The following FOXP2 variants were observed in gnomAD, a reference collection of about 807,000 sequenced individuals.
The protein encoded by FOXP2 is forkhead box P2.
Under a neutral mutation model 115.8 loss-of-function variants are expected in FOXP2, and 12 were observed. The observed-to-expected ratio is 0.10, with a 90% CI of 0.07 to 0.17. The LOEUF is 0.17. FOXP2 is among the 10% of genes least tolerant of loss of function. FOXP2 has a pLI of 1.00. For missense variants in FOXP2, 629 were observed against 843.5 expected, an observed-to-expected ratio of 0.75 and a Z score of 3.15; for synonymous variants, 328 against 297.7, an observed-to-expected ratio of 1.10 and a Z score of -1.05.
chr7:114,187,987 G>A (rs964902948), intron 1 of FOXP2, among the ~76,000 whole-genome samples: 1 of 152,018 alleles, frequency 6.6e-6, no homozygotes, highest in Non-Finnish European at 1.5e-5. Flanking sequence ...ACCTCTTAAA[G>A]GTCTCTCCTC....
chr7:114,662,027 T>A (rs937285549), intron 13 of FOXP2, 38 bp from the exon 14 acceptor site: 4 of 1,610,648 alleles, frequency 2.5e-6, no homozygotes, highest in Non-Finnish European at 3.4e-6. Flanking sequence ...TAGACAATAT[T>A]ATTTTTGCCA....
intron 3 of FOXP2, among the ~76,000 whole-genome samples, chr7:114,613,459 A>G (rs1803741541): frequency 6.6e-6 from 1 of 152,020 alleles, no homozygotes; most frequent in South Asian, 2.1e-4. Context: ...GCGGATCATG[A>G]GGTCAGGAGA....
At chr7:114,450,570 A>C (rs914163359) in intron 2 of FOXP2, among the ~76,000 whole-genome samples, 1 of 152,008 alleles carries the variant, frequency 6.6e-6, no homozygotes, top group Non-Finnish European at 1.5e-5. Flanking sequence ...GTCTTTTGTG[A>C]TGCACATTCA....
chr7:114,331,134 A>C (rs1217041276), intron 2 of FOXP2, among the ~76,000 whole-genome samples: 1 of 152,214 alleles, frequency 6.6e-6, no homozygotes, highest in Non-Finnish European at 1.5e-5. Context: ...TGAGCAAAAC[A>C]ACCTTATAAA....
At chr7:114,649,145 T>G (rs568394961) in intron 8 of FOXP2, among the ~76,000 whole-genome samples, 2 of 152,200 alleles carry the variant, frequency 1.3e-5, no homozygotes, top group East Asian at 3.9e-4. Context: ...AGAAAAAGTA[T>G]TATTGTTGGC....
chr7:114,415,460 T>G (rs1793296487), intron 1 of FOXP2, 100 bp downstream of exon 1: 1 of 364,440 alleles, frequency 2.7e-6, no homozygotes, highest in Non-Finnish European at 5.3e-6. Flanking sequence ...TTTACTTTTT[T>G]TTTTTTCTGA....
chr7:114,642,528 G>C lies in FOXP2; in HGVS notation c.894G>C (p.Ser298=), dbSNP rs202049981. ...GLDLTTNNSS[S]TTSSNTSKAS... ...ACCTCACTACTAACAATTCCTCCTC[G>C]ACTACCTCCTCCAACACTTCCAAAG... The change falls in exon 7 of 17, where the codon TCG becomes TCC. Residue 298 remains serine, a synonymous_variant. Coordinates refer to ENST00000350908, the MANE Select transcript of FOXP2 (RefSeq NM_014491.4). The C allele has an allele frequency of 5.3e-5, 86 of 1,613,520 alleles. No individual in the cohort carries two copies. The highest frequency in any genetic ancestry group is 1.7e-4 in the Middle Eastern group (1 of 6,060).
chr7:114,197,824 G>A (rs1454531043), intron 1 of FOXP2, among the ~76,000 whole-genome samples: 1 of 151,638 alleles, frequency 6.6e-6, no homozygotes, highest in African/African-American at 2.4e-5. Flanking sequence ...GAATGGTATA[G>A]TTACAGCATT....
At chr7:114,554,058 G>A (rs1021295898) in intron 3 of FOXP2, among the ~76,000 whole-genome samples, 1 of 151,830 alleles carries the variant, frequency 6.6e-6, no homozygotes, top group Non-Finnish European at 1.5e-5. Flanking sequence ...CAATAACAGA[G>A]GATACCAAAA....
chr7:114,329,644 T>TTTTA (rs138684494), intron 2 of FOXP2, among the ~76,000 whole-genome samples: 6,741 of 147,368 alleles, frequency 0.046, 253 homozygotes, highest in Middle Eastern at 0.1. Flanking sequence ...ACTATGTAAG[T>TTTTA]TTTATTTATT....
At chr7:114,271,613 A>C (rs1796047441) in intron 1 of FOXP2, among the ~76,000 whole-genome samples, 1 of 123,694 alleles carries the variant, frequency 8.1e-6, no homozygotes, top group South Asian at 2.2e-4. Context: ...TTAATATATA[A>C]TAAATAATTA....
At position 114,540,700 on chromosome 7, in the gene FOXP2, G is replaced by A. The variant is rs147997765; in HGVS notation, c.258+5994G>A. 2.6e-5 allele frequency among the ~76,000 whole-genome samples: 4 copies of A among 152,170 alleles called. No individual in the cohort carries two copies. In the East Asian group the frequency reaches 7.7e-4, roughly 29 times the overall value. On this transcript the variant is annotated intron_variant, in intron 3 of 16. Coordinates refer to ENST00000350908, the MANE Select transcript of FOXP2 (RefSeq NM_014491.4). Reference sequence around the variant, plus strand: ...ACTTTGTAGAGAAGGTAGCATGTATGTTGGGCTTAAAGAAAAGGAATTTGG... The same window carrying A: ...ACTTTGTAGAGAAGGTAGCATGTATATTGGGCTTAAAGAAAAGGAATTTGG...
At chr7:114,645,496 T>A (rs1805838025) in intron 8 of FOXP2, 1 of 152,016 alleles carries the variant, frequency 6.6e-6, no homozygotes, top group Non-Finnish European at 1.5e-5. Context: ...CAAGTGAAAA[T>A]CTTCATCTTT....
At chr7:114,193,363 G>A (rs928320484) in intron 1 of FOXP2, among the ~76,000 whole-genome samples, 1 of 151,632 alleles carries the variant, frequency 6.6e-6, no homozygotes, top group African/African-American at 2.4e-5. Context: ...AACAACTCTT[G>A]GTTTAGTTCT....
At chr7:114,166,328 A>C (rs1177815082) in intron 1 of FOXP2, among the ~76,000 whole-genome samples, 4 of 152,170 alleles carry the variant, frequency 2.6e-5, no homozygotes, top group Non-Finnish European at 5.9e-5. Flanking sequence ...TAAGCCACAA[A>C]CTGGGAGAAA....
chr7:114,187,373 A>C (rs1181271732), intron 1 of FOXP2, among the ~76,000 whole-genome samples: 1 of 152,162 alleles, frequency 6.6e-6, no homozygotes, highest in Non-Finnish European at 1.5e-5. Flanking sequence ...CCCTCCATAA[A>C]GTCCTAGTAC....
At chr7:114,105,049 C>A (rs891639816) in intron 1 of FOXP2, among the ~76,000 whole-genome samples, 6 of 151,800 alleles carry the variant, frequency 4.0e-5, no homozygotes, top group African/African-American at 1.5e-4. Flanking sequence ...AGTAATTTCA[C>A]ATATAGAAAA....
At chr7:114,319,452 A>G (rs1239519142) in intron 2 of FOXP2, among the ~76,000 whole-genome samples, 1 of 152,248 alleles carries the variant, frequency 6.6e-6, no homozygotes, top group South Asian at 2.1e-4. Context: ...AAAGAGGTTT[A>G]TTGGACTTAC....
At chr7:114,380,647 GC>G (rs1466831641) in intron 2 of FOXP2, among the ~76,000 whole-genome samples, 9 of 152,304 alleles carry the variant, frequency 5.9e-5, no homozygotes, top group Non-Finnish European at 1.2e-4. Context: ...CGCAGCACTG[GC>G]CCTTCAAGTA....
Sources: allele counts gnomAD v4.1 joint callset (sites outside exome capture counted in the v4.1 genomes callset), GRCh38; gene constraint gnomAD v4.1.1; transcripts MANE v1.5; gene names NCBI Gene and HGNC (gene_info 2026-07-23, HGNC 2026-07-21).